Variants in PKHD1 observed in about 807,000 individuals in gnomAD.
PKHD1 encodes the protein PKHD1 ciliary IPT domain containing fibrocystin/polyductin.
A neutral mutation model predicts 412.0 loss-of-function variants in PKHD1; 291 were observed. That is an observed-to-expected ratio of 0.71 (90% confidence interval 0.64 to 0.78). PKHD1 has a LOEUF of 0.78. Ranked by LOEUF, PKHD1 falls within the 30% of genes least tolerant of loss-of-function variation. PKHD1 has a pLI of 0.00. For synonymous variants in PKHD1, 1,777 were observed against 1,821.5 expected (o/e 0.98, Z 0.62); for missense variants, 4,825 against 4,950.7 (o/e 0.97, Z 0.76).
intron 35 of PKHD1, among the ~76,000 whole-genome samples, chr6:51,998,090 C>T (rs989600233): frequency 6.6e-6 from 1 of 152,190 alleles, no homozygotes; most frequent in African/African-American, 2.4e-5. Flanking sequence ...TTCAGCGGAG[C>T]AATACAACAA....
At chr6:51,858,024 C>T (rs577596330) in intron 48 of PKHD1, among the ~76,000 whole-genome samples, 122 of 152,190 alleles carry the variant, frequency 8.0e-4, no homozygotes, top group Non-Finnish European at 1.4e-3. Flanking sequence ...CCACCCTTCC[C>T]CACCCACCCC....
chr6:52,025,901 G>A lies in PKHD1; in HGVS notation c.3909C>T (p.Val1303=), dbSNP rs1385827930. The change falls in exon 32 of 67, where the codon GTC becomes GTT. Residue 1303 remains valine, a synonymous_variant. Transcript: ENST00000371117. ...FMYEAAATPV[V]TAMQGEITNS... ...TTGTGATTTCTCCTTGCATGGCAGT[G>A]ACTACTGGTGTTGCTGCCGCTTCAT... 2 of 1,614,120 alleles carry A rather than the reference G, an allele frequency of 1.2e-6. No individual in the cohort carries two copies. Among genetic ancestry groups the A allele is most frequent in the Non-Finnish European group, 1.7e-6 (2 of 1,180,036 alleles).
chr6:51,704,953 C>A (rs889542488), intron 60 of PKHD1, among the ~76,000 whole-genome samples: 1 of 151,816 alleles, frequency 6.6e-6, no homozygotes, highest in South Asian at 2.1e-4. Context: ...GAAGAGGATT[C>A]AGAGGGAGAA....
chr6:51,972,678 T>C (rs1793838482), intron 35 of PKHD1, among the ~76,000 whole-genome samples: 1 of 152,238 alleles, frequency 6.6e-6, no homozygotes, highest in Non-Finnish European at 1.5e-5. Flanking sequence ...GAAGGCATAA[T>C]TGAATTTCTA....
intron 64 of PKHD1, among the ~76,000 whole-genome samples, chr6:51,636,431 C>T (rs1308712915): frequency 6.6e-6 from 1 of 151,952 alleles, no homozygotes; most frequent in Non-Finnish European, 1.5e-5. Context: ...TCTGTAGTCC[C>T]AGCTACTTTG....
intron 35 of PKHD1, among the ~76,000 whole-genome samples, chr6:51,961,887 G>A (rs191957077): frequency 6.6e-6 from 1 of 152,016 alleles, no homozygotes; most frequent in Non-Finnish European, 1.5e-5. Context: ...GTGTTCCTTA[G>A]AGCTTAATAA....
chr6:51,824,783 C>T (rs377410308), intron 52 of PKHD1, among the ~76,000 whole-genome samples: 2 of 152,146 alleles, frequency 1.3e-5, no homozygotes, highest in Non-Finnish European at 2.9e-5. Context: ...CCATATCCCT[C>T]TCTTCTAAGA....
intron 55 of PKHD1, 141 bp downstream of exon 55, chr6:51,772,561 A>G (rs1296206914): frequency 3.7e-6 from 2 of 543,720 alleles, no homozygotes; most frequent in African/African-American, 1.9e-5. Flanking sequence ...TAAATTCCCT[A>G]TAATCGCTTA....
At chr6:51,868,347 A>C (rs1198659976) in intron 47 of PKHD1, among the ~76,000 whole-genome samples, 10 of 152,146 alleles carry the variant, frequency 6.6e-5, no homozygotes, top group African/African-American at 1.9e-4. Context: ...ACCTTCATGC[A>C]GTCTATAGTC....
chr6:51,739,321 C>G (rs1180293113), intron 60 of PKHD1, among the ~76,000 whole-genome samples: 1 of 152,066 alleles, frequency 6.6e-6, no homozygotes, highest in African/African-American at 2.4e-5. Flanking sequence ...ACCCCCGCCT[C>G]CCGGGTTCAA....
At chr6:51,633,102 T>C (rs1768120335) in intron 64 of PKHD1, among the ~76,000 whole-genome samples, 1 of 152,188 alleles carries the variant, frequency 6.6e-6, no homozygotes. Flanking sequence ...TGCTCTGATG[T>C]ATGTATCTAC....
chr6:51,725,583 C>A (rs1782475938), intron 60 of PKHD1, among the ~76,000 whole-genome samples: 1 of 152,146 alleles, frequency 6.6e-6, no homozygotes, highest in African/African-American at 2.4e-5. Flanking sequence ...GGTGCTTGTG[C>A]ATGACTGTCT....
Position 51,734,393 on chromosome 6 carries a change from G to T in PKHD1, c.10156+9992C>A, listed in dbSNP as rs116287553. 1.9e-3 allele frequency among the ~76,000 whole-genome samples: 296 copies of T among 152,182 alleles called. 2 individuals carry two copies. Among genetic ancestry groups the T allele is most frequent in the African/African-American group, 6.7e-3 (279 of 41,556 alleles). ...ATAAAATTTACTTTGTGGAAGAGTT[G>T]ACTGGCAAACTAAACTTAAATTCTT... On this transcript the variant is annotated intron_variant, in intron 60 of 66. Coordinates refer to ENST00000371117, the MANE Select transcript of PKHD1 (RefSeq NM_138694.4).
intron 43 of PKHD1, among the ~76,000 whole-genome samples, chr6:51,889,375 C>T (rs929448111): frequency 6.6e-6 from 1 of 152,206 alleles, no homozygotes; most frequent in Non-Finnish European, 1.5e-5. Flanking sequence ...TCAGTGGGGA[C>T]TACGCTGTGA....
intron 60 of PKHD1, among the ~76,000 whole-genome samples, chr6:51,676,272 CTTTA>C (rs1384432771): frequency 6.8e-6 from 1 of 146,414 alleles, no homozygotes; most frequent in Admixed American, 6.8e-5. Flanking sequence ...AACTTCTATT[CTTTA>C]TTTAGAAAAA....
At chr6:51,978,204 C>G (rs1402262127) in intron 35 of PKHD1, among the ~76,000 whole-genome samples, 1 of 152,152 alleles carries the variant, frequency 6.6e-6, no homozygotes, top group African/African-American at 2.4e-5. Context: ...CCACCCCACC[C>G]CACACCAAGG....
At chr6:51,683,866 T>A (rs959097090) in intron 60 of PKHD1, among the ~76,000 whole-genome samples, 5 of 152,060 alleles carry the variant, frequency 3.3e-5, no homozygotes, top group Admixed American at 1.3e-4. Flanking sequence ...GACACAGTGT[T>A]TGCCTTCATG....
chr6:51,925,438 C>CGTGTGTGT (rs537973238), intron 37 of PKHD1, among the ~76,000 whole-genome samples: 16 of 147,486 alleles, frequency 1.1e-4, no homozygotes, highest in East Asian at 4.1e-4. Flanking sequence ...AATTGTTCTT[C>CGTGTGTGT]GTGTGTGTGT....
At chr6:51,664,830 T>C (rs186610809) in intron 60 of PKHD1, among the ~76,000 whole-genome samples, 40 of 152,280 alleles carry the variant, frequency 2.6e-4, no homozygotes, top group Non-Finnish European at 4.7e-4. Context: ...TGTGTATGAA[T>C]ACCTTGCTGT....
Sources: allele counts gnomAD v4.1 joint callset (sites outside exome capture counted in the v4.1 genomes callset), GRCh38; gene constraint gnomAD v4.1.1; transcripts MANE v1.5; gene names NCBI Gene and HGNC (gene_info 2026-07-23, HGNC 2026-07-21).